Variants in KIRREL1 observed in about 807,000 individuals in gnomAD.
The protein encoded by KIRREL1 is kin of IRRE-like protein 1.
In KIRREL1, 25 loss-of-function variants were observed where a neutral mutation model predicts 83.3. That is an observed-to-expected ratio of 0.30 (90% CI 0.22 to 0.42). The LOEUF (loss-of-function observed/expected upper bound fraction) is 0.42. KIRREL1 is among the 10% of genes least tolerant of loss of function. The pLI is 1.00. For missense variants in KIRREL1, 812 were observed against 1,032.3 expected, an observed-to-expected ratio of 0.79 and a Z score of 2.92; for synonymous variants, 388 against 410.4, an observed-to-expected ratio of 0.95 and a Z score of 0.66.
chr1:158,049,936 G>T (rs1159231367), intron 1 of KIRREL1, among the ~76,000 whole-genome samples: 1 of 152,112 alleles, frequency 6.6e-6, no homozygotes, highest in African/African-American at 2.4e-5. Context: ...AATTGGGGAG[G>T]GTCATCAGAG....
chr1:158,077,661 C>T (rs997340167), intron 2 of KIRREL1, among the ~76,000 whole-genome samples: 2 of 152,240 alleles, frequency 1.3e-5, no homozygotes, highest in African/African-American at 2.4e-5. Flanking sequence ...CTCTCCCTCT[C>T]TCCCCCTCTC....
chr1:158,034,144 G>A (rs113522073), intron 1 of KIRREL1, among the ~76,000 whole-genome samples: 8 of 151,540 alleles, frequency 5.3e-5, no homozygotes, highest in African/African-American at 1.9e-4. Flanking sequence ...TTGGTGGCGG[G>A]CGCCTGTAAT....
At chr1:158,028,142 C>A (rs985143118) in intron 1 of KIRREL1, among the ~76,000 whole-genome samples, 1 of 152,150 alleles carries the variant, frequency 6.6e-6, no homozygotes, top group African/African-American at 2.4e-5. Context: ...CTGTCTCTGC[C>A]GGAATGCCGT....
chr1:158,078,111 G>A lies in KIRREL1; in HGVS notation c.323G>A (p.Arg108His), dbSNP rs1558013087. 3 of 1,613,980 alleles carry A rather than the reference G, an allele frequency of 1.9e-6. No homozygotes were observed. Among genetic ancestry groups the A allele is most frequent in the Non-Finnish European group, 2.5e-6 (3 of 1,180,034 alleles). The change falls in exon 3 of 15, where the codon CGC (arginine) becomes CAC (histidine). Residue 108 changes from arginine to histidine, a missense_variant. Arg to His is a conservative substitution (Grantham distance 29). Around this residue, in one of 3 missense-constraint regions of KIRREL1, gnomAD observed 472 missense variants for 626.8 expected, o/e 0.75. Coordinates refer to ENST00000359209, the MANE Select transcript of KIRREL1 (RefSeq NM_018240.7). ...TGCCAGGCCACGGAGGCCGCCCTGCGCTCTCGGCGGGCCAAACTCACCGTG... is the reference window on the plus strand; with the variant it reads ...TGCCAGGCCACGGAGGCCGCCCTGCACTCTCGGCGGGCCAAACTCACCGTG... ...YECQATEAAL[R>H]SRRAKLTVLI...
At chr1:158,057,657 T>C (rs1357235051) in intron 1 of KIRREL1, among the ~76,000 whole-genome samples, 1 of 152,190 alleles carries the variant, frequency 6.6e-6, no homozygotes, top group Non-Finnish European at 1.5e-5. Flanking sequence ...GGTTTCCCGA[T>C]TGCTCCCACT....
chr1:158,038,286 G>A (rs1660528882), intron 1 of KIRREL1, among the ~76,000 whole-genome samples: 1 of 152,202 alleles, frequency 6.6e-6, no homozygotes, highest in East Asian at 1.9e-4. Context: ...GGTCCCTGGG[G>A]ACCTGGTAGG....
intron 4 of KIRREL1, among the ~76,000 whole-genome samples, chr1:158,085,153 A>C (rs2101635354): frequency 6.6e-6 from 1 of 152,370 alleles, no homozygotes; most frequent in East Asian, 1.9e-4. Flanking sequence ...GGAAGCCATG[A>C]AAGATATCAA....
chr1:158,068,753 A>T (rs1661424408), intron 1 of KIRREL1, among the ~76,000 whole-genome samples: 1 of 149,384 alleles, frequency 6.7e-6, no homozygotes, highest in South Asian at 2.1e-4. Context: ...ATGTGAGGGG[A>T]CCTCTCTGGC....
At chr1:158,013,796 C>T (rs907136152) in intron 1 of KIRREL1, among the ~76,000 whole-genome samples, 7 of 152,148 alleles carry the variant, frequency 4.6e-5, no homozygotes, top group Admixed American at 6.5e-5. Context: ...CCTACCATTC[C>T]CCACTGCACA....
At chr1:158,029,123 C>A (rs1458413489) in intron 1 of KIRREL1, among the ~76,000 whole-genome samples, 1 of 152,176 alleles carries the variant, frequency 6.6e-6, no homozygotes, top group East Asian at 1.9e-4. Context: ...AAAACCTGTA[C>A]AGGGCATGTA....
Position 158,078,378 on chromosome 1 carries a change from G to C in KIRREL1, c.352+238G>C, listed in dbSNP as rs113834972. ...CAGCATCCTCTCTGCCGCAGCCAGT[G>C]CCTCGGCCACTCAGGGACAGGGCCT... On this transcript the variant is annotated intron_variant, in intron 3 of 14. Transcript: ENST00000359209. Among the ~76,000 whole-genome samples the C allele has an allele frequency of 6.8e-3, 1,037 of 152,306 alleles. 9 individuals carry two copies. Among genetic ancestry groups the C allele is most frequent in the South Asian group, 0.011 (54 of 4,824 alleles).
At chr1:158,023,169 C>T (rs1200468241) in intron 1 of KIRREL1, among the ~76,000 whole-genome samples, 1 of 152,188 alleles carries the variant, frequency 6.6e-6, no homozygotes, top group Non-Finnish European at 1.5e-5. Flanking sequence ...TCATTCCAGG[C>T]CCCATTTTCC....
intron 1 of KIRREL1, among the ~76,000 whole-genome samples, chr1:158,059,887 G>A (rs900831601): frequency 6.6e-6 from 1 of 152,168 alleles, no homozygotes; most frequent in Non-Finnish European, 1.5e-5. Context: ...GTGATTGCTA[G>A]GATTAGGTAT....
At chr1:158,029,372 T>TGTGTGTGTGTGTGTGTGTGTGTGTGC (rs1190966368) in intron 1 of KIRREL1, among the ~76,000 whole-genome samples, 1 of 149,396 alleles carries the variant, frequency 6.7e-6, no homozygotes, top group Non-Finnish European at 1.5e-5. Flanking sequence ...TGTGTGCACG[T>TGTGTGTGTGTGTGTGTGTGTGTGTGC]GCGCGCGCAT....
intron 5 of KIRREL1, 36 bp downstream of exon 5, chr1:158,086,782 G>A (rs750545390): frequency 6.8e-6 from 10 of 1,476,318 alleles, no homozygotes; most frequent in South Asian, 6.1e-5. Flanking sequence ...GGAGCAGGGG[G>A]GTGGAAGAAG....
At chr1:157,997,296 G>A (rs1027204574) in intron 1 of KIRREL1, among the ~76,000 whole-genome samples, 2 of 152,222 alleles carry the variant, frequency 1.3e-5, no homozygotes, top group African/African-American at 4.8e-5. Flanking sequence ...ATACCTCATA[G>A]GGTTGTGGTG....
chr1:158,077,638 G>A (rs1477585723), intron 2 of KIRREL1, among the ~76,000 whole-genome samples: 2 of 152,154 alleles, frequency 1.3e-5, no homozygotes, highest in Non-Finnish European at 2.9e-5. Context: ...ATTTCCTGGC[G>A]CCCACACACT....
rs894349907 is a variant in KIRREL1 at position 158,081,255 on chromosome 1, G to A, written c.352+3115G>A. On this transcript the variant is annotated intron_variant, in intron 3 of 14. Coordinates refer to ENST00000359209, the MANE Select transcript of KIRREL1 (RefSeq NM_018240.7). ...CACTCTCCTGTCTCTGAGCACATTT[G>A]TTTATCCTCTTCGAGCCTCCGTTCC... Among the ~76,000 whole-genome samples the A allele has an allele frequency of 2.0e-5, 3 of 152,162 alleles. 1 individual carries two copies. The highest frequency in any genetic ancestry group is 7.2e-5 in the African/African-American group (3 of 41,436).
intron 1 of KIRREL1, among the ~76,000 whole-genome samples, chr1:158,067,789 C>T (rs549661330): frequency 3.3e-5 from 5 of 152,320 alleles, no homozygotes; most frequent in African/African-American, 1.2e-4. Flanking sequence ...CTTGAGGTGA[C>T]TAATCCACAG....
Sources: allele counts gnomAD v4.1 joint callset (sites outside exome capture counted in the v4.1 genomes callset), GRCh38; gene constraint gnomAD v4.1.1; regional missense constraint gnomAD v4.1.1; transcripts MANE v1.5; gene names NCBI Gene and HGNC (gene_info 2026-07-23, HGNC 2026-07-21).